DIP2B: variants seen among roughly 807,000 people sequenced by gnomAD.
The protein encoded by DIP2B is DIP2 acetate--CoA ligase B (putative), also known as disco-interacting protein 2 homolog B.
DIP2B carries 76 observed loss-of-function variants against 198.0 expected under a neutral mutation model. The observed-to-expected ratio is 0.38, with a 90% confidence interval of 0.32 to 0.46. The LOEUF (loss-of-function observed/expected upper bound fraction) is 0.46. DIP2B is among the 20% of genes least tolerant of loss of function. The probability of loss-of-function intolerance (pLI) is 0.99; values close to 1 mark genes in which losing one functional copy is unlikely to be tolerated. For missense variants in DIP2B, 1,559 were observed against 1,978.4 expected (o/e 0.79, Z 4.02); for synonymous variants, 701 against 739.1 (o/e 0.95, Z 0.84).
chr12:50,743,957 G>T (rs1269805249), intron 37 of DIP2B, among the ~76,000 whole-genome samples: 1 of 152,166 alleles, frequency 6.6e-6, no homozygotes, highest in East Asian at 1.9e-4. Flanking sequence ...TGTGCCCTGG[G>T]CTACCCCAGA....
chr12:50,724,683 G>A, intron 27 of DIP2B, 92 bp from the exon 28 acceptor site: 1 of 1,013,550 alleles, frequency 9.9e-7, no homozygotes, highest in Non-Finnish European at 1.5e-6. Flanking sequence ...GTCCAGTGTG[G>A]TACATGAGTG....
chr12:50,540,650 G>T (rs1391418211), intron 1 of DIP2B, among the ~76,000 whole-genome samples: 1 of 149,454 alleles, frequency 6.7e-6, no homozygotes, highest in Non-Finnish European at 1.5e-5. Context: ...CCGGATTCAC[G>T]CCATTCTCCT....
At chr12:50,706,714 T>C in intron 21 of DIP2B, 49 bp downstream of exon 21, 1 of 1,596,410 alleles carries the variant, frequency 6.3e-7, no homozygotes. Flanking sequence ...GGAATCTAAA[T>C]ACATCTTCAC....
At chr12:50,593,727 T>TCTCCTCTCCCCTCCTCTCCTCTCCC (rs1555186184) in intron 1 of DIP2B, among the ~76,000 whole-genome samples, 173 of 5,528 alleles carry the variant, frequency 0.031, 18 homozygotes, top group East Asian at 0.083. Context: ...TCTCCTCTCC[T>TCTCCTCTCCCCTCCTCTCCTCTCCC]CTCCTCTCCT....
At chr12:50,718,614 G>T in intron 23 of DIP2B, 95 bp from the exon 24 acceptor site, 1 of 1,057,800 alleles carries the variant, frequency 9.5e-7, no homozygotes, top group South Asian at 1.4e-5. Flanking sequence ...ATTGTTGGAT[G>T]AATATTTGAA....
chr12:50,620,718 T>C (rs1310207820), intron 1 of DIP2B, among the ~76,000 whole-genome samples: 2 of 152,236 alleles, frequency 1.3e-5, no homozygotes, highest in Admixed American at 1.3e-4. Context: ...TTCTCCTTTT[T>C]GTTCTATATG....
At chr12:50,571,072 G>A (rs1373079323) in intron 1 of DIP2B, among the ~76,000 whole-genome samples, 1 of 152,004 alleles carries the variant, frequency 6.6e-6, no homozygotes, top group African/African-American at 2.4e-5. Context: ...GATAATAGAG[G>A]TATGAAAAGA....
chr12:50,542,068 G>A (rs1382582868), intron 1 of DIP2B, among the ~76,000 whole-genome samples: 2 of 150,722 alleles, frequency 1.3e-5, no homozygotes, highest in African/African-American at 2.4e-5. Flanking sequence ...TGAGGTGGGC[G>A]GATCACGAGG....
chr12:50,719,434 A>G (rs1161181809), intron 25 of DIP2B, among the ~76,000 whole-genome samples: 1 of 152,202 alleles, frequency 6.6e-6, no homozygotes, highest in Non-Finnish European at 1.5e-5. Flanking sequence ...TAAAAACCCT[A>G]AGTTATTTCT....
At chr12:50,536,628 C>T (rs549308950) in intron 1 of DIP2B, among the ~76,000 whole-genome samples, 31 of 150,284 alleles carry the variant, frequency 2.1e-4, no homozygotes, top group African/African-American at 6.4e-4. Flanking sequence ...AGTGCAGTGG[C>T]GTGGTCTTGG....
At chr12:50,727,857 G>A (rs1939965239) in intron 29 of DIP2B, 45 bp downstream of exon 29, 1 of 1,515,368 alleles carries the variant, frequency 6.6e-7, no homozygotes, top group Non-Finnish European at 9.2e-7. Context: ...AAAAAATAGA[G>A]ATGACCACTG....
chr12:50,706,915 G>T (rs2139568263), intron 21 of DIP2B, among the ~76,000 whole-genome samples: 1 of 152,004 alleles, frequency 6.6e-6, no homozygotes. Context: ...CTTTACTTCA[G>T]ATTTAACTTC....
chr12:50,663,969 A>G (rs937117534), intron 4 of DIP2B, among the ~76,000 whole-genome samples: 2 of 151,874 alleles, frequency 1.3e-5, no homozygotes, highest in African/African-American at 4.8e-5. Flanking sequence ...ATTTAGTTGC[A>G]TCTTTCTTTG....
chr12:50,603,217 C>A (rs2139444931), intron 1 of DIP2B, among the ~76,000 whole-genome samples: 2 of 151,376 alleles, frequency 1.3e-5, no homozygotes, highest in East Asian at 3.9e-4. Flanking sequence ...ACTATTTTTT[C>A]TCAAGCAAAT....
chr12:50,595,175 C>A (rs540495521), intron 1 of DIP2B, among the ~76,000 whole-genome samples: 1 of 152,264 alleles, frequency 6.6e-6, no homozygotes, highest in African/African-American at 2.4e-5. Flanking sequence ...GAGAGCAAAA[C>A]CATGCTGACT....
At chr12:50,652,603 CTT>C (rs1938476864) in intron 3 of DIP2B, among the ~76,000 whole-genome samples, 1 of 152,004 alleles carries the variant, frequency 6.6e-6, no homozygotes, top group Non-Finnish European at 1.5e-5. Context: ...TATTTGGAAT[CTT>C]TTGAGATTCT....
chr12:50,561,039 A>C (rs1400610450), intron 1 of DIP2B, among the ~76,000 whole-genome samples: 3 of 152,236 alleles, frequency 2.0e-5, no homozygotes, highest in Non-Finnish European at 4.4e-5. Context: ...ATAAGAGTGC[A>C]TTCCTCTAAC....
At chr12:50,658,559 GTAAT>G (rs1565861279) in intron 3 of DIP2B, among the ~76,000 whole-genome samples, 1 of 152,156 alleles carries the variant, frequency 6.6e-6, no homozygotes, top group African/African-American at 2.4e-5. Flanking sequence ...AGCAGTTTTT[GTAAT>G]TAATTCTAAG....
Position 50,744,570 on chromosome 12 carries a change from T to C in DIP2B, c.4479-17T>C. 6.2e-7 allele frequency: 1 copy of C among 1,609,896 alleles called. No homozygotes were observed. The highest frequency in any genetic ancestry group is 8.5e-7 in the Non-Finnish European group (1 of 1,176,404). ...AAAATGTAGTGACAAGTTAATGAAT[T>C]GTCATTGAAATTTCAGTGCCGTGTT... On this transcript the variant is annotated splice_polypyrimidine_tract_variant and intron_variant, in intron 37 of 37. Coordinates refer to ENST00000301180, the MANE Select transcript of DIP2B (RefSeq NM_173602.3).
Sources: gnomAD v4.1 joint callset for allele counts (sites outside exome capture counted in the v4.1 genomes callset) on GRCh38, gnomAD v4.1.1 for gene constraint, MANE v1.5 for transcripts, NCBI Gene and HGNC (gene_info 2026-07-23, HGNC 2026-07-21) for gene names.